Variants in SHKBP1 observed in about 807,000 individuals in gnomAD.
SHKBP1 encodes SH3KBP1-binding protein 1.
In SHKBP1, 71 loss-of-function variants were observed where a neutral mutation model predicts 83.9. That is an observed-to-expected ratio of 0.85 (90% CI 0.70 to 1.03). The LOEUF is 1.03. Among genes scored for constraint, SHKBP1 ranks in the 50% least tolerant of loss-of-function variants. SHKBP1 has a pLI of 0.00. For missense variants in SHKBP1, 824 were observed against 982.4 expected (o/e 0.84, Z 2.16); for synonymous variants, 371 against 398.0 (o/e 0.93, Z 0.81).
At position 40,590,077 on chromosome 19, in the gene SHKBP1, G is replaced by A; in HGVS notation, c.1590-167G>A. The A allele has an allele frequency of 4.1e-6, 3 of 725,824 alleles. No homozygotes were observed. Among genetic ancestry groups the A allele is most frequent in the East Asian group, 5.8e-5 (2 of 34,408 alleles). The allele number at this position is 725,824 out of a possible 1,614,324, so 45.0% of individuals were successfully genotyped here. ...CTCCCTGGGTGTTTGGGGCTGCGGT[G>A]TCCAAGAGCTGCTGGACCCTTGGGA... On this transcript the variant is annotated intron_variant, in intron 15 of 17. Transcript: ENST00000291842. This position sits in a 1 kb window ranked among gnomAD's most constrained non-coding sequence, Gnocchi z 4.6.
chr19:40,582,980 G>C (rs1179900007), intron 10 of SHKBP1, among the ~76,000 whole-genome samples: 2 of 151,998 alleles, frequency 1.3e-5, no homozygotes, highest in African/African-American at 4.8e-5. Context: ...GGAACTCAGA[G>C]AGATAAATGG....
intron 7 of SHKBP1, 33 bp from the exon 8 acceptor site, chr19:40,580,533 G>A (rs765480541): frequency 1.9e-5 from 30 of 1,614,010 alleles, no homozygotes; most frequent in Non-Finnish European, 2.4e-5. Context: ...GGGTCCCTGT[G>A]ACCCTCTTCT....
At chr19:40,585,905 T>C (rs887734689) in intron 12 of SHKBP1, 1 of 152,272 alleles carries the variant, frequency 6.6e-6, no homozygotes, top group Middle Eastern at 3.2e-3. Flanking sequence ...GCCACTATTA[T>C]GTCATTTTTC....
rs1328752545 is a variant in SHKBP1 at position 40,582,406 on chromosome 19, C to T, written c.900C>T (p.Leu300=). The T allele has an allele frequency of 5.0e-6, 8 of 1,614,172 alleles. No homozygotes were observed. In the East Asian group the frequency reaches 8.9e-5, roughly 18 times the overall value. Residue 300 remains leucine, a synonymous_variant, in exon 10 of 18, where the codon CTC becomes CTT. Coordinates refer to ENST00000291842, the MANE Select transcript of SHKBP1 (RefSeq NM_138392.4). ...VEALFFVGNQ[L]IATSHTGRIG... is the part of the protein sequence containing the mutation. ...CCTTGTTCTTCGTCGGGAACCAGCT[C>T]ATTGCTACAAGCCACACAGGGCGCA...
At chr19:40,583,769 C>T in intron 12 of SHKBP1, 52 bp downstream of exon 12, 4 of 1,397,358 alleles carry the variant, frequency 2.9e-6, no homozygotes, top group Non-Finnish European at 3.0e-6. Context: ...GCCCCAGCCC[C>T]AGCCTGCAGC....
rs150827358 is a variant in SHKBP1, at chr19:40,583,651, G to A, written c.1099G>A (p.Glu367Lys). 17 of 1,613,524 alleles carry A rather than the reference G, an allele frequency of 1.1e-5. No homozygotes were observed. Among genetic ancestry groups the A allele is most frequent in the Non-Finnish European group, 1.2e-5 (14 of 1,179,782 alleles). ...RMKDNDLLVS[E>K]LYRDPAEDGV... ...GAAAGACAACGACCTCCTTGTCAGC[G>A]AGCTCTATCGGGACCCAGCGGAGGA... Residue 367 changes from glutamate to lysine, a missense_variant, in exon 12 of 18, where the codon GAG (glutamate) becomes AAG (lysine). Glu to Lys is a moderately conservative substitution (Grantham distance 56, BLOSUM62 1). This residue lies in a region of SHKBP1 where 182 missense variants were observed against 273.1 expected (regional missense o/e 0.67). Transcript: ENST00000291842.
In SHKBP1 at chr19:40,589,159, C is replaced by G. The variant is rs1275091350; in HGVS notation, c.1570C>G (p.Leu524Val). The stretch of plus-strand genomic sequence containing the variant: ...CAGTGCCAGCCAGCTCTTCGTGCGT[C>G]TCTCATCTACTGGGCAGCGGTGAGG... The part of the protein sequence containing the change: ...VPSASQLFVR[L>V]SSTGQRVCSV... The change falls in exon 15 of 18, where the codon CTC (leucine) becomes GTC (valine). Residue 524 changes from leucine to valine, a missense_variant. By Grantham distance (32) the Leu-to-Val change is conservative (BLOSUM62 1). This residue lies in a region of SHKBP1 where 287 missense variants were observed against 322.9 expected (regional missense o/e 0.89). Transcript: ENST00000291842. 1.9e-6 allele frequency: 3 copies of G among 1,613,308 alleles called. No individual in the cohort carries two copies. Among genetic ancestry groups the G allele is most frequent in the Non-Finnish European group, 2.5e-6 (3 of 1,179,948 alleles).
At position 40,580,732 on chromosome 19, in the gene SHKBP1, C is replaced by T; in HGVS notation, c.654-14C>T. On this transcript the variant is annotated splice_polypyrimidine_tract_variant and intron_variant, in intron 8 of 17. Transcript: ENST00000291842. ...CATGCGGTGAGGGTTGGTGATGTCC[C>T]CTCGATCCTACAGGTTGAAGGAAGC... 1 of 1,612,842 alleles carries T rather than the reference C, an allele frequency of 6.2e-7. No individual in the cohort carries two copies. Among genetic ancestry groups the T allele is most frequent in the Non-Finnish European group, 8.5e-7 (1 of 1,179,212 alleles).
chr19:40,590,864 C>G lies in SHKBP1; in HGVS notation c.1892+11C>G. ...CATCTCCCTCACCAGGTAGCCACAA[C>G]TCCACTGCCCCTTCTGTGCAATGAG... is the stretch of plus-strand genomic sequence containing the variant. On this transcript the variant is annotated intron_variant, in intron 17 of 17. Coordinates refer to ENST00000291842, the MANE Select transcript of SHKBP1 (RefSeq NM_138392.4). This position sits in a 1 kb window ranked among gnomAD's most constrained non-coding sequence, Gnocchi z 4.6. The G allele has an allele frequency of 2.5e-6, 4 of 1,573,922 alleles. No individual in the cohort carries two copies. The highest frequency in any genetic ancestry group is 3.5e-6 in the Non-Finnish European group (4 of 1,151,728).
chr19:40,583,894 G>A (rs748711045), intron 12 of SHKBP1, among the ~76,000 whole-genome samples, 177 bp downstream of exon 12: 31 of 151,988 alleles, frequency 2.0e-4, no homozygotes, highest in Non-Finnish European at 3.7e-4. Context: ...AGGCTGGAGT[G>A]CAGTGGTGCA....
chr19:40,588,617 C>G lies in SHKBP1; in HGVS notation c.1337-7C>G. The G allele has an allele frequency of 6.2e-7, 1 of 1,614,138 alleles. No individual in the cohort carries two copies. Among genetic ancestry groups the G allele is most frequent in the Non-Finnish European group, 8.5e-7 (1 of 1,180,014 alleles). On this transcript the variant is annotated splice_region_variant and splice_polypyrimidine_tract_variant and intron_variant, in intron 13 of 17. Coordinates refer to ENST00000291842, the MANE Select transcript of SHKBP1 (RefSeq NM_138392.4). ...GCCTGACTTCCTGCTCTCCTTGTGC[C>G]CCTCAGTCTGTGCCGACAACAACCA...
rs984124946 is a variant in SHKBP1, at chr19:40,585,113, TA to T, written c.1165+1405del. 2.1e-3 allele frequency among the ~76,000 whole-genome samples: 311 copies of T among 150,856 alleles called. 1 individual carries two copies. The highest frequency in any genetic ancestry group is 0.014 in the East Asian group (70 of 5,056). ...GTGTGAAGCAGGGATTATTCTTTTT[TA>T]AAAAAAAATAGAGACAGGGTCTTGC... On this transcript the variant is annotated intron_variant, in intron 12 of 17. Coordinates refer to ENST00000291842, the MANE Select transcript of SHKBP1 (RefSeq NM_138392.4).
At chr19:40,579,319 A>G (rs967430804) in intron 6 of SHKBP1, among the ~76,000 whole-genome samples, 14 of 152,134 alleles carry the variant, frequency 9.2e-5, no homozygotes, top group Non-Finnish European at 1.8e-4. Context: ...TGCAAGCTTT[A>G]TATTATAAAT....
chr19:40,586,403 G>T (rs2081312390), intron 12 of SHKBP1, among the ~76,000 whole-genome samples: 1 of 145,934 alleles, frequency 6.9e-6, no homozygotes, highest in African/African-American at 2.6e-5. Context: ...GTCACATTCT[G>T]TCATGCAGGC....
intron 10 of SHKBP1, 79 bp downstream of exon 10, chr19:40,582,545 C>A: frequency 1.8e-6 from 2 of 1,134,706 alleles, no homozygotes; most frequent in Non-Finnish European, 2.5e-6. Context: ...TCACGTCTGC[C>A]CCCACCCCCA....
intron 12 of SHKBP1, among the ~76,000 whole-genome samples, chr19:40,585,315 C>G (rs1458002101): frequency 6.6e-6 from 1 of 151,936 alleles, no homozygotes; most frequent in Non-Finnish European, 1.5e-5. Context: ...CCATGTTGCC[C>G]AGGCTACTCT....
chr19:40,577,066 C>T, intron 1 of SHKBP1, 81 bp downstream of exon 1: 1 of 1,315,958 alleles, frequency 7.6e-7, no homozygotes, highest in Non-Finnish European at 1.0e-6. Context: ...GGGGGAATCC[C>T]TGTCCATCAA....
At position 40,578,228 on chromosome 19, in the gene SHKBP1, C is replaced by G; in HGVS notation, c.319+16C>G. The G allele has an allele frequency of 1.2e-6, 2 of 1,612,694 alleles. No individual in the cohort carries two copies. The highest frequency in any genetic ancestry group is 1.7e-6 in the Non-Finnish European group (2 of 1,178,674). On this transcript the variant is annotated intron_variant, in intron 5 of 17. Coordinates refer to ENST00000291842, the MANE Select transcript of SHKBP1 (RefSeq NM_138392.4). The stretch of plus-strand genomic sequence containing the variant: ...ACTCCTCTGGGTAAGTGGGAGCCCC[C>G]AGCTATCATCCTCATTGTATAGAAA...
rs532106270 is a variant in SHKBP1, at chr19:40,583,660, C to T, written c.1108C>T (p.Arg370Trp). The T allele has an allele frequency of 6.9e-6, 11 of 1,602,894 alleles. No individual in the cohort carries two copies. The highest frequency in any genetic ancestry group is 2.7e-5 in the African/African-American group (2 of 74,638). ...CGACCTCCTTGTCAGCGAGCTCTATCGGGACCCAGCGGAGGATGGGGTCAC... is the reference window on the plus strand; with the variant it reads ...CGACCTCCTTGTCAGCGAGCTCTATTGGGACCCAGCGGAGGATGGGGTCAC... ...DNDLLVSELY[R>W]DPAEDGVTAL... The change falls in exon 12 of 18, where the codon CGG becomes TGG. Residue 370 changes from arginine to tryptophan, a missense_variant. By Grantham distance (101) the Arg-to-Trp change is moderately radical. Around this residue, in one of 3 missense-constraint regions of SHKBP1, gnomAD observed 182 missense variants for 273.1 expected, o/e 0.67. Coordinates refer to ENST00000291842, the MANE Select transcript of SHKBP1 (RefSeq NM_138392.4).
Sources: gnomAD v4.1 joint callset for allele counts (sites outside exome capture counted in the v4.1 genomes callset) on GRCh38, gnomAD v4.1.1 for gene constraint, gnomAD v4.1.1 regional missense constraint, Gnocchi (gnomAD v3.1) non-coding constraint, MANE v1.5 for transcripts, NCBI Gene and HGNC (gene_info 2026-07-23, HGNC 2026-07-21) for gene names.